PHLDB2: variants seen among roughly 807,000 people sequenced by gnomAD.
PHLDB2 encodes pleckstrin homology like domain family B member 2.
A neutral mutation model predicts 123.6 loss-of-function variants in PHLDB2; 71 were observed. The observed-to-expected ratio is 0.57, with a 90% confidence interval of 0.47 to 0.70. The LOEUF (loss-of-function observed/expected upper bound fraction) is 0.70, where lower values mean the gene tolerates loss of function less well. Among genes scored for constraint, PHLDB2 ranks in the 30% least tolerant of loss-of-function variants. The pLI is 0.00. For missense variants in PHLDB2, 1,446 were observed against 1,519.5 expected (o/e 0.95, Z 0.80); for synonymous variants, 547 against 541.6 (o/e 1.01, Z -0.14).
At chr3:111,756,096 G>A (rs1281397003) in intron 1 of PHLDB2, among the ~76,000 whole-genome samples, 6 of 152,078 alleles carry the variant, frequency 3.9e-5, no homozygotes, top group African/African-American at 1.2e-4. Context: ...TTTTGGAATA[G>A]GTGTGGTGTG....
rs1177678294 is a variant in PHLDB2 at position 111,806,693 on chromosome 3, C to T, written c.-48-39128C>T. On this transcript the variant is annotated intron_variant, in intron 1 of 17. Coordinates refer to the PHLDB2 transcript ENST00000393923. ...TAGAGACAGGGTTTCACCACACTGGCCAGGCTGGTCTTGAACTCCTGACCT... is the reference window on the plus strand; with the variant it reads ...TAGAGACAGGGTTTCACCACACTGGTCAGGCTGGTCTTGAACTCCTGACCT... Among the ~76,000 whole-genome samples, 6 of 152,090 alleles carry T rather than the reference C, an allele frequency of 3.9e-5. No homozygotes were observed. In the South Asian group the frequency reaches 8.3e-4, roughly 21 times the overall value.
chr3:111,839,927 C>T (rs1432562423), intron 1 of PHLDB2, among the ~76,000 whole-genome samples: 1 of 146,712 alleles, frequency 6.8e-6, no homozygotes, highest in African/African-American at 2.5e-5. Context: ...TGTTTAAAAG[C>T]CCCCCACCCC....
intron 1 of PHLDB2, among the ~76,000 whole-genome samples, chr3:111,834,863 C>G (rs1206286810): frequency 6.6e-6 from 1 of 151,822 alleles, no homozygotes; most frequent in Non-Finnish European, 1.5e-5. Flanking sequence ...TTTTTTAGAC[C>G]CTAACATTCT....
chr3:111,890,180 G>A (rs2066397440), intron 2 of PHLDB2, among the ~76,000 whole-genome samples: 2 of 152,206 alleles, frequency 1.3e-5, no homozygotes, highest in South Asian at 2.1e-4. Flanking sequence ...TGGTCAGATC[G>A]TGAAACCAGA....
intron 1 of PHLDB2, among the ~76,000 whole-genome samples, chr3:111,787,806 G>T (rs1362013860): frequency 1.3e-5 from 2 of 152,164 alleles, no homozygotes; most frequent in African/African-American, 2.4e-5. Flanking sequence ...CTATTCTGGG[G>T]TGAATCCAAC....
intron 7 of PHLDB2, 87 bp downstream of exon 7, chr3:111,939,717 C>T: frequency 7.5e-7 from 1 of 1,324,902 alleles, no homozygotes; most frequent in Middle Eastern, 1.9e-4. Context: ...CTGAATATCA[C>T]ATTTGACAGA....
upstream of PHLDB2, among the ~76,000 whole-genome samples, chr3:111,855,699 C>T (rs1448316496): frequency 1.6e-5 from 2 of 127,570 alleles, no homozygotes; most frequent in African/African-American, 6.1e-5. Flanking sequence ...TGCAATGGTG[C>T]GATCATGGAT....
chr3:111,869,548 G>T (rs2065241111), intron 1 of PHLDB2, among the ~76,000 whole-genome samples: 1 of 152,150 alleles, frequency 6.6e-6, no homozygotes, highest in Non-Finnish European at 1.5e-5. Context: ...CCACATTCTG[G>T]TCCCCAGCGG....
At chr3:111,852,669 C>T (rs1265733666) in intron 2 of PHLDB2, among the ~76,000 whole-genome samples, 4 of 151,896 alleles carry the variant, frequency 2.6e-5, no homozygotes, top group Admixed American at 1.3e-4. Flanking sequence ...AAGCCCACTA[C>T]GCAGGCAAAG....
chr3:111,733,637 TA>T (rs1941580138), intron 1 of PHLDB2, among the ~76,000 whole-genome samples: 1 of 152,242 alleles, frequency 6.6e-6, no homozygotes, highest in South Asian at 2.1e-4. Flanking sequence ...AGATGATAAC[TA>T]TGAAACAAGT....
At chr3:111,877,406 T>C (rs2065687725) in intron 1 of PHLDB2, among the ~76,000 whole-genome samples, 1 of 152,234 alleles carries the variant, frequency 6.6e-6, no homozygotes, top group Admixed American at 6.5e-5. Flanking sequence ...TTGCCCACTT[T>C]TTGATAGGGT....
chr3:111,852,282 G>GCTCT, intron 2 of PHLDB2, among the ~76,000 whole-genome samples: 1 of 145,572 alleles, frequency 6.9e-6, no homozygotes. Flanking sequence ...TCTCTCTCTC[G>GCTCT]CTCTCTCTCT....
chr3:111,969,856 A>C lies in PHLDB2; in HGVS notation c.3482A>C (p.Lys1161Thr). The C allele has an allele frequency of 1.2e-6, 2 of 1,614,102 alleles. No individual in the cohort carries two copies. Among genetic ancestry groups the C allele is most frequent in the South Asian group, 2.2e-5 (2 of 91,090 alleles). ...IKMGGKIKTW[K>T]KRWFVFDRNK... ...ATGGGTGGGAAAATTAAAACGTGGA[A>C]AAAACGTTGGTTTGTTTTTGATCGG... Residue 1161 changes from lysine (K) to threonine (T), a missense_variant, in exon 16 of 18, where the codon AAA (lysine) becomes ACA (threonine). Physicochemically the swap from Lys to Thr is moderately conservative, Grantham distance 78. Transcript: ENST00000431670.
chr3:111,966,550 A>T (rs1283002), intron 13 of PHLDB2, 63 bp from the exon 14 acceptor site: 1 of 845,698 alleles, frequency 1.2e-6, no homozygotes, highest in Non-Finnish European at 1.9e-6. Flanking sequence ...GTGTGTGTGT[A>T]TGTATTAGAG....
At chr3:111,970,585 G>T (rs184015117) in intron 16 of PHLDB2, among the ~76,000 whole-genome samples, 2 of 152,282 alleles carry the variant, frequency 1.3e-5, no homozygotes, top group African/African-American at 4.8e-5. Flanking sequence ...TTAAATGTTG[G>T]CTGACAAGAA....
At chr3:111,837,487 A>T (rs2063470931) in intron 1 of PHLDB2, among the ~76,000 whole-genome samples, 1 of 152,170 alleles carries the variant, frequency 6.6e-6, no homozygotes, top group Admixed American at 6.5e-5. Context: ...TGTGTGCTGT[A>T]CTCAAATAAA....
In PHLDB2 at chr3:111,958,400, G is replaced by A. The variant is rs146432930; in HGVS notation, c.2873-3708G>A. On this transcript the variant is annotated intron_variant, in intron 12 of 17. Coordinates refer to ENST00000431670, the MANE Select transcript of PHLDB2 (RefSeq NM_001134438.2). ...TACTTTCTATATTACAGCCCAGATA[G>A]CCATGTAAAAGTATATACCACATAT... 8.1e-4 allele frequency: 572 copies of A among 705,424 alleles called. 4 individuals carry two copies. In the African/African-American group the frequency reaches 9.8e-3, roughly 12 times the overall value. The allele number at this position is 705,424 out of a possible 1,614,324, so 43.7% of individuals were successfully genotyped here.
chr3:111,879,068 A>G (rs2065806482), intron 1 of PHLDB2, among the ~76,000 whole-genome samples: 1 of 152,196 alleles, frequency 6.6e-6, no homozygotes, highest in Non-Finnish European at 1.5e-5. Context: ...TGGCCTCATC[A>G]AATGAGTTAG....
In PHLDB2 at chr3:111,952,524, T is replaced by TTACA. The variant is rs746969162; in HGVS notation, c.2632-47_2632-44dup. ...AATTCTTCATTTCTTCAGTCACCTATTACAGTTAGTCAAGTTTTGCTATTT... is the reference window on the plus strand; with the variant it reads ...AATTCTTCATTTCTTCAGTCACCTATTACATACAGTTAGTCAAGTTTTGCTATTT... On this transcript the variant is annotated intron_variant, in intron 10 of 17. Transcript: ENST00000431670. 8 of 1,583,846 alleles carry TTACA rather than the reference T, an allele frequency of 5.1e-6. No homozygotes were observed. The South Asian group carries it at 9.3e-5, about 18-fold the overall frequency.
Sources: gnomAD v4.1 joint callset for allele counts (sites outside exome capture counted in the v4.1 genomes callset) on GRCh38, gnomAD v4.1.1 for gene constraint, MANE v1.5 for transcripts, NCBI Gene and HGNC (gene_info 2026-07-23, HGNC 2026-07-21) for gene names.